Variants in CNTNAP2 observed in about 807,000 individuals in gnomAD.
CNTNAP2 encodes contactin-associated protein-like 2.
CNTNAP2 carries 98 observed loss-of-function variants against 155.2 expected under a neutral mutation model. The observed-to-expected ratio is 0.63, with a 90% confidence interval of 0.54 to 0.75. CNTNAP2 has a LOEUF of 0.75. Ranked by LOEUF, CNTNAP2 falls within the 30% of genes least tolerant of loss-of-function variation. The probability of loss-of-function intolerance (pLI) is 0.00; values close to 1 mark genes in which losing one functional copy is unlikely to be tolerated. For missense variants in CNTNAP2, 1,727 were observed against 1,688.1 expected, an observed-to-expected ratio of 1.02 and a Z score of -0.40; for synonymous variants, 651 against 631.2, an observed-to-expected ratio of 1.03 and a Z score of -0.47.
chr7:147,729,523 T>C (rs1413509516), intron 13 of CNTNAP2, among the ~76,000 whole-genome samples: 1 of 150,766 alleles, frequency 6.6e-6, no homozygotes, highest in Non-Finnish European at 1.5e-5. Context: ...AAAAGGCTCC[T>C]AATTCATAGA....
chr7:146,162,949 T>A (rs1382521908), intron 1 of CNTNAP2, among the ~76,000 whole-genome samples: 2 of 152,038 alleles, frequency 1.3e-5, no homozygotes, highest in Non-Finnish European at 2.9e-5. Context: ...TAGGTGGGAA[T>A]TGAACAATGA....
At chr7:146,357,915 C>CG (rs1554422297) in intron 1 of CNTNAP2, among the ~76,000 whole-genome samples, 3 of 151,406 alleles carry the variant, frequency 2.0e-5, no homozygotes, top group Non-Finnish European at 2.9e-5. Flanking sequence ...GAATGCACCC[C>CG]GCCCCCCGCC....
intron 2 of CNTNAP2, among the ~76,000 whole-genome samples, chr7:146,811,692 T>G (rs1275111962): frequency 6.6e-6 from 1 of 152,202 alleles, no homozygotes; most frequent in African/African-American, 2.4e-5. Flanking sequence ...TAGCTGTGTC[T>G]GCACCCAAAT....
intron 1 of CNTNAP2, among the ~76,000 whole-genome samples, chr7:146,179,701 G>A (rs1050247270): frequency 1.3e-5 from 2 of 152,050 alleles, no homozygotes; most frequent in Non-Finnish European, 2.9e-5. Flanking sequence ...TCTTCATGCA[G>A]GATTTTATAG....
intron 13 of CNTNAP2, among the ~76,000 whole-genome samples, chr7:147,787,280 C>T (rs559823571): frequency 8.2e-4 from 125 of 152,242 alleles, no homozygotes; most frequent in African/African-American, 2.9e-3. Context: ...GAGTCCCAGG[C>T]AATTTGGTAT....
At chr7:148,104,228 G>A (rs892068313) in intron 15 of CNTNAP2, among the ~76,000 whole-genome samples, 18 of 152,240 alleles carry the variant, frequency 1.2e-4, no homozygotes, top group African/African-American at 4.3e-4. Context: ...AATAGGACAT[G>A]TGAATCTTTT....
rs1798664214 is a variant in CNTNAP2, at chr7:148,363,443, TTGACTGAATTAG to T, written c.3476-20203_3476-20192del. Among the ~76,000 whole-genome samples the T allele has an allele frequency of 1.6e-4, 24 of 152,316 alleles. No individual in the cohort carries two copies. In the South Asian group the frequency reaches 4.8e-3, roughly 30 times the overall value. On this transcript the variant is annotated intron_variant, in intron 21 of 23. Transcript: ENST00000361727. Reference sequence around the variant, plus strand: ...ATATACAAGACAGTAATATTATTTTTTGACTGAATTAGTGGCTGAATTAATAAGTGAAAGACA... The same window carrying T: ...ATATACAAGACAGTAATATTATTTTTTGGCTGAATTAATAAGTGAAAGACA...
intron 15 of CNTNAP2, among the ~76,000 whole-genome samples, chr7:147,991,414 A>G (rs1047543730): frequency 6.6e-6 from 1 of 152,210 alleles, no homozygotes; most frequent in South Asian, 2.1e-4. Context: ...TGCACAGACA[A>G]TAATTGTTAT....
At chr7:148,131,090 T>C (rs75124037) in intron 16 of CNTNAP2, among the ~76,000 whole-genome samples, 2 of 127,584 alleles carry the variant, frequency 1.6e-5, no homozygotes, top group African/African-American at 2.9e-5. Context: ...TCTTCTTCTT[T>C]TTTTTTTTTT....
chr7:146,355,259 G>A (rs547137108), intron 1 of CNTNAP2, among the ~76,000 whole-genome samples: 12 of 152,222 alleles, frequency 7.9e-5, no homozygotes, highest in African/African-American at 2.9e-4. Flanking sequence ...TTAAGCCATA[G>A]CCAGTACATA....
chr7:146,785,986 A>C (rs2129188021), intron 2 of CNTNAP2, among the ~76,000 whole-genome samples: 1 of 152,266 alleles, frequency 6.6e-6, no homozygotes, highest in Middle Eastern at 3.4e-3. Context: ...TGTAGCCTAC[A>C]AGAAGAAATG....
intron 1 of CNTNAP2, among the ~76,000 whole-genome samples, chr7:146,173,758 C>T (rs1032930422): frequency 3.3e-5 from 5 of 152,082 alleles, no homozygotes; most frequent in East Asian, 3.9e-4. Flanking sequence ...GACAGAATGC[C>T]GTACATGCAA....
chr7:147,640,500 A>C (rs1375151189), intron 13 of CNTNAP2, among the ~76,000 whole-genome samples: 1 of 152,184 alleles, frequency 6.6e-6, no homozygotes, highest in Non-Finnish European at 1.5e-5. Context: ...TTTTAAAATC[A>C]TGTTAAGCAA....
Position 148,147,530 on chromosome 7 carries a change from G to A in CNTNAP2, c.2594G>A (p.Gly865Glu), listed in dbSNP as rs1805210428. 2.5e-6 allele frequency: 4 copies of A among 1,613,906 alleles called. No individual in the cohort carries two copies. The highest frequency in any genetic ancestry group is 1.7e-5 in the Admixed American group (1 of 59,978). The change falls in exon 17 of 24, where the codon GGG becomes GAG. Residue 865 changes from glycine (G) to glutamate (E), a missense_variant. Transcript: ENST00000361727. Reference sequence around the variant, plus strand: ...TCCTTTTCATTTGATGTGGGAAATGGGCCAGTAGAGATTGTAGTGAGGTCA... The same window carrying A: ...TCCTTTTCATTTGATGTGGGAAATGAGCCAGTAGAGATTGTAGTGAGGTCA... ...EVSFSFDVGN[G>E]PVEIVVRSPT...
intron 21 of CNTNAP2, among the ~76,000 whole-genome samples, chr7:148,334,939 C>T (rs149842825): frequency 3.4e-4 from 52 of 152,340 alleles, no homozygotes; most frequent in African/African-American, 1.2e-3. Context: ...ACCAATGACT[C>T]TTTGTCCTTG....
chr7:146,330,775 G>A (rs1415689059), intron 1 of CNTNAP2, among the ~76,000 whole-genome samples: 1 of 152,116 alleles, frequency 6.6e-6, no homozygotes, highest in African/African-American at 2.4e-5. Context: ...AAAAATGGGG[G>A]GAAATGTTAA....
At chr7:147,409,146 T>C (rs929486083) in intron 10 of CNTNAP2, among the ~76,000 whole-genome samples, 5 of 152,330 alleles carry the variant, frequency 3.3e-5, no homozygotes, top group Non-Finnish European at 5.9e-5. Context: ...AAGATTTTAC[T>C]GGGATCTGGA....
At chr7:146,637,494 C>A (rs1428517918) in intron 1 of CNTNAP2, among the ~76,000 whole-genome samples, 1 of 152,148 alleles carries the variant, frequency 6.6e-6, no homozygotes, top group South Asian at 2.1e-4. Context: ...GAAGCCACCA[C>A]CTAGTTCACT....
Position 148,316,149 on chromosome 7 carries a change from G to T in CNTNAP2, c.3475+49023G>T, listed in dbSNP as rs573091975. Among the ~76,000 whole-genome samples, 4 of 152,166 alleles carry T rather than the reference G, an allele frequency of 2.6e-5. No individual in the cohort carries two copies. In the South Asian group the frequency reaches 8.3e-4, roughly 32 times the overall value. ...CCAGGGGTTTTCAGAATAAGGGAGA[G>T]GTTAACAATCTACATAGAGCAACTG... On this transcript the variant is annotated intron_variant, in intron 21 of 23. Coordinates refer to ENST00000361727, the MANE Select transcript of CNTNAP2 (RefSeq NM_014141.6).
Sources: allele counts gnomAD v4.1 joint callset (sites outside exome capture counted in the v4.1 genomes callset), GRCh38; gene constraint gnomAD v4.1.1; transcripts MANE v1.5; gene names NCBI Gene and HGNC (gene_info 2026-07-23, HGNC 2026-07-21).